The following NXPH1 variants were observed in gnomAD, a reference collection of about 807,000 sequenced individuals.
The protein encoded by NXPH1 is neurexophilin 1, also known as neurexophilin-1.
Under a neutral mutation model 23.7 loss-of-function variants are expected in NXPH1, and 5 were observed. The observed-to-expected ratio is 0.21, with a 90% confidence interval of 0.11 to 0.44. The LOEUF (loss-of-function observed/expected upper bound fraction) is 0.44, where lower values mean the gene tolerates loss of function less well. NXPH1 is among the 20% of genes least tolerant of loss of function. NXPH1 has a pLI of 0.99. For synonymous variants in NXPH1, 144 were observed against 122.2 expected (o/e 1.18, Z -1.18); for missense variants, 324 against 321.6 (o/e 1.01, Z -0.06).
intron 2 of NXPH1, among the ~76,000 whole-genome samples, chr7:8,741,899 A>G (rs557090609): frequency 8.6e-5 from 13 of 152,038 alleles, no homozygotes; most frequent in Non-Finnish European, 1.9e-4. Flanking sequence ...CAAGATACAC[A>G]TGGCATAAAA....
intron 2 of NXPH1, among the ~76,000 whole-genome samples, chr7:8,578,587 A>T (rs1818797990): frequency 6.6e-6 from 1 of 152,226 alleles, no homozygotes; most frequent in Admixed American, 6.5e-5. Flanking sequence ...GATTTTATAG[A>T]TAAGGAGTTA....
chr7:8,552,410 T>C (rs1220818731), intron 2 of NXPH1, among the ~76,000 whole-genome samples: 1 of 151,458 alleles, frequency 6.6e-6, no homozygotes, highest in Non-Finnish European at 1.5e-5. Context: ...TCAGTCAGCT[T>C]CTTAGGAGAA....
intron 2 of NXPH1, among the ~76,000 whole-genome samples, chr7:8,548,311 C>T (rs1352925991): frequency 1.3e-5 from 2 of 151,534 alleles, no homozygotes; most frequent in Non-Finnish European, 3.0e-5. Flanking sequence ...TGTTGGACAT[C>T]GCCCTGGTTT....
chr7:8,458,930 G>A (rs1030233573), intron 2 of NXPH1, among the ~76,000 whole-genome samples: 2 of 152,072 alleles, frequency 1.3e-5, no homozygotes, highest in Non-Finnish European at 2.9e-5. Flanking sequence ...TTGGGGTGAG[G>A]TTAAGAAGGA....
rs187270413 is a variant in NXPH1 at position 8,660,332 on chromosome 7, C to A, written c.55-90676C>A. ...GAGAGGATTCAAACTCTTGGACTTA[C>A]CTTACAACTCTTAACTTACTGAACC... is the stretch of plus-strand genomic sequence containing the variant. On this transcript the variant is annotated intron_variant, in intron 2 of 2. Transcript: ENST00000405863. 9.9e-5 allele frequency among the ~76,000 whole-genome samples: 15 copies of A among 152,238 alleles called. No individual in the cohort carries two copies. The East Asian group carries it at 2.7e-3, about 27-fold the overall frequency.
intron 2 of NXPH1, among the ~76,000 whole-genome samples, chr7:8,710,640 G>A (rs1339392513): frequency 3.6e-5 from 1 of 27,672 alleles, no homozygotes; most frequent in Non-Finnish European, 6.1e-5. Context: ...CAACTGTTAC[G>A]TTTTTTGTTT....
intron 2 of NXPH1, among the ~76,000 whole-genome samples, chr7:8,445,003 A>G (rs917087594): frequency 2.0e-5 from 3 of 152,108 alleles, no homozygotes; most frequent in African/African-American, 4.8e-5. Flanking sequence ...CAATACTAGG[A>G]CTGTATGATG....
At chr7:8,609,794 C>G (rs780589758) in intron 2 of NXPH1, among the ~76,000 whole-genome samples, 1 of 152,146 alleles carries the variant, frequency 6.6e-6, no homozygotes, top group Non-Finnish European at 1.5e-5. Flanking sequence ...TTTAACATAA[C>G]AGAGACTGCA....
chr7:8,660,268 A>C (rs1820651112), intron 2 of NXPH1, among the ~76,000 whole-genome samples: 1 of 152,190 alleles, frequency 6.6e-6, no homozygotes. Flanking sequence ...TAACATTTTA[A>C]GTAACAGTCT....
intron 2 of NXPH1, among the ~76,000 whole-genome samples, chr7:8,689,154 T>A (rs1203428619): frequency 6.6e-6 from 1 of 152,182 alleles, no homozygotes; most frequent in African/African-American, 2.4e-5. Context: ...TAACTTCATA[T>A]AGGAGGATAA....
At chr7:8,710,654 T>G (rs1482419374) in intron 2 of NXPH1, among the ~76,000 whole-genome samples, 3 of 96,396 alleles carry the variant, frequency 3.1e-5, no homozygotes, top group African/African-American at 6.6e-5. Context: ...TTTGTTTTTT[T>G]TTTTTTTTTT....
At chr7:8,622,927 G>A (rs564839043) in intron 2 of NXPH1, among the ~76,000 whole-genome samples, 1 of 152,234 alleles carries the variant, frequency 6.6e-6, no homozygotes, top group Non-Finnish European at 1.5e-5. Context: ...CTGCTGGAGT[G>A]GTCTTGGGAA....
rs766212196 is a variant in NXPH1 at position 8,435,905 on chromosome 7, C to T, written c.54+138C>T. ...AGCAGCTGTGTTGGAGCAACTTTGG[C>T]AAGCTGGTCTCTGGATTCCTGCGGA... On this transcript the variant is annotated intron_variant, in intron 2 of 2. Coordinates refer to ENST00000405863, the MANE Select transcript of NXPH1 (RefSeq NM_152745.3). This position sits in a 1 kb window ranked among gnomAD's most constrained non-coding sequence, Gnocchi z 5.9. The T allele has an allele frequency of 5.8e-5, 48 of 821,768 alleles. No homozygotes were observed. The highest frequency in any genetic ancestry group is 8.8e-5 in the Non-Finnish European group (42 of 475,050). The allele number at this position is 821,768 out of a possible 1,614,324, so 50.9% of individuals were successfully genotyped here.
intron 2 of NXPH1, among the ~76,000 whole-genome samples, chr7:8,697,157 CAAAAAAA>C (rs139349283): frequency 4.8e-5 from 5 of 104,854 alleles, no homozygotes; most frequent in South Asian, 3.4e-4. Flanking sequence ...GATTCTGTTT[CAAAAAAA>C]AAAAAAAAAA....
chr7:8,692,017 A>G (rs1821229149), intron 2 of NXPH1, among the ~76,000 whole-genome samples: 1 of 151,954 alleles, frequency 6.6e-6, no homozygotes, highest in African/African-American at 2.4e-5. Flanking sequence ...GTCTGTAGGA[A>G]TCTCCAGCAC....
At chr7:8,462,370 T>G (rs1260151917) in intron 2 of NXPH1, among the ~76,000 whole-genome samples, 1 of 152,226 alleles carries the variant, frequency 6.6e-6, no homozygotes, top group Non-Finnish European at 1.5e-5. Flanking sequence ...TATAAATATT[T>G]TATGTATTTA....
intron 2 of NXPH1, among the ~76,000 whole-genome samples, chr7:8,468,200 A>T (rs1353530101): frequency 6.6e-6 from 1 of 152,134 alleles, no homozygotes; most frequent in Non-Finnish European, 1.5e-5. Context: ...TTCTATAAAG[A>T]TAAATCTAGA....
chr7:8,594,154 C>G (rs931397920), intron 2 of NXPH1, among the ~76,000 whole-genome samples: 1 of 151,996 alleles, frequency 6.6e-6, no homozygotes, highest in African/African-American at 2.4e-5. Flanking sequence ...CACACTCCAC[C>G]CCCCACGTTT....
At chr7:8,509,325 A>T (rs933899651) in intron 2 of NXPH1, among the ~76,000 whole-genome samples, 5 of 152,142 alleles carry the variant, frequency 3.3e-5, no homozygotes, top group African/African-American at 1.2e-4. Context: ...TTATTTCCAC[A>T]TTAATAAATA....
Sources: allele counts gnomAD v4.1 joint callset (sites outside exome capture counted in the v4.1 genomes callset), GRCh38; gene constraint gnomAD v4.1.1; non-coding constraint Gnocchi (gnomAD v3.1); transcripts MANE v1.5; gene names NCBI Gene and HGNC (gene_info 2026-07-23, HGNC 2026-07-21).